FGL1: variants seen among roughly 807,000 people sequenced by gnomAD.
FGL1 encodes the protein fibrinogen-like protein 1.
A neutral mutation model predicts 43.7 loss-of-function variants in FGL1; 59 were observed. That is an observed-to-expected ratio of 1.35 (90% CI 1.10 to 1.68). FGL1 has a LOEUF of 1.68. Among genes scored for constraint, FGL1 ranks in the 40% most tolerant of loss-of-function variants. FGL1 has a pLI of 0.00. For missense variants in FGL1, 596 were observed against 373.0 expected (o/e 1.60, Z -4.92); for synonymous variants, 192 against 126.5 (o/e 1.52, Z -3.48).
intron 7 of FGL1, among the ~76,000 whole-genome samples, chr8:17,866,825 T>A (rs2053276526): frequency 6.6e-6 from 1 of 152,244 alleles, no homozygotes; most frequent in Admixed American, 6.5e-5. Context: ...TTGGTGATGC[T>A]TGCAGATGAC....
In FGL1 at chr8:17,882,028, A is replaced by T. The variant is rs766800219; in HGVS notation, c.215T>A (p.Ile72Asn). The change falls in exon 3 of 8, where the codon ATT becomes AAT. Residue 72 changes from isoleucine to asparagine, a missense_variant. By Grantham distance (149) the Ile-to-Asn change is moderately radical. Coordinates refer to ENST00000427924, the MANE Select transcript of FGL1 (RefSeq NM_004467.4). ...ATACTGCCTCTTGCTTCCAAGATCAATGACAGTATTCTCATCTCCTTTATC... is the reference window on the plus strand; with the variant it reads ...ATACTGCCTCTTGCTTCCAAGATCATTGACAGTATTCTCATCTCCTTTATC... ...FLDKGDENTV[I>N]DLGSKRQYAD... 2 of 1,613,834 alleles carry T rather than the reference A, an allele frequency of 1.2e-6. No homozygotes were observed. The highest frequency in any genetic ancestry group is 1.7e-6 in the Non-Finnish European group (2 of 1,179,950).
chr8:17,873,050 G>A (rs2053388950), intron 5 of FGL1, among the ~76,000 whole-genome samples: 1 of 152,130 alleles, frequency 6.6e-6, no homozygotes, highest in African/African-American at 2.4e-5. Context: ...TTAAAGATGA[G>A]ATGTATGTGG....
At chr8:17,868,407 G>A (rs1163166640) in intron 7 of FGL1, 141 bp downstream of exon 7, 1 of 598,606 alleles carries the variant, frequency 1.7e-6, no homozygotes, top group Non-Finnish European at 2.5e-6. Context: ...CATTGCTGAA[G>A]AATTCTAATG....
intron 5 of FGL1, among the ~76,000 whole-genome samples, chr8:17,872,943 C>T (rs1054919795): frequency 3.9e-5 from 6 of 151,922 alleles, no homozygotes; most frequent in East Asian, 1.9e-4. Context: ...CGGATAGATA[C>T]GTAACAAAAA....
chr8:17,871,391 G>C (rs2053357504), intron 5 of FGL1, among the ~76,000 whole-genome samples: 1 of 151,710 alleles, frequency 6.6e-6, no homozygotes, highest in South Asian at 2.1e-4. Context: ...CTACTCAGGA[G>C]GCTGAGGCAT....
rs888129330 is a variant in FGL1, at chr8:17,890,292, C to A, written c.-17-4721G>T. Among the ~76,000 whole-genome samples, 20 of 152,212 alleles carry A rather than the reference C, an allele frequency of 1.3e-4. 1 individual carries two copies. Among genetic ancestry groups the A allele is most frequent in the Non-Finnish European group, 4.4e-5 (3 of 68,030 alleles). On this transcript the variant is annotated intron_variant, in intron 1 of 7. Transcript: ENST00000427924. ...AATGAGACAACATTCTATACTGAGC[C>A]TTTCCTGGGCAAACCGGGATATTTG...
In FGL1 at chr8:17,868,620, G is replaced by A. The variant is rs146098986; in HGVS notation, c.707C>T (p.Thr236Met). 22 of 1,613,926 alleles carry A rather than the reference G, an allele frequency of 1.4e-5. No individual in the cohort carries two copies. In the South Asian group the frequency reaches 1.5e-4, roughly 11 times the overall value. ...WASHQRMKFS[T>M]WDRDHDNYEG... ...ATAGTTGTCATGATCTCTGTCCCACGTGCTGAATTTCATTCTTTGGTGACT... is the reference window on the plus strand; with the variant it reads ...ATAGTTGTCATGATCTCTGTCCCACATGCTGAATTTCATTCTTTGGTGACT... Residue 236 changes from threonine (T) to methionine (M), a missense_variant, in exon 7 of 8, where the codon ACG becomes ATG. Thr to Met is a moderately conservative substitution (Grantham distance 81). Transcript: ENST00000427924.
chr8:17,893,557 T>G (rs187916891), intron 1 of FGL1, among the ~76,000 whole-genome samples: 1 of 149,138 alleles, frequency 6.7e-6, no homozygotes, highest in East Asian at 1.9e-4. Flanking sequence ...CTCACTACCA[T>G]TAAGATAATC....
chr8:17,881,072 G>C (rs1438282781), intron 3 of FGL1, among the ~76,000 whole-genome samples: 2 of 151,608 alleles, frequency 1.3e-5, no homozygotes, highest in African/African-American at 4.9e-5. Flanking sequence ...ATGCAACAAG[G>C]AAAGATACAC....
At position 17,864,611 on chromosome 8, in the gene FGL1, A is replaced by C; in HGVS notation, c.920T>G (p.Phe307Cys). The C allele has an allele frequency of 6.2e-7, 1 of 1,608,334 alleles. No individual in the cohort carries two copies. The highest frequency in any genetic ancestry group is 8.5e-7 in the Non-Finnish European group (1 of 1,178,766). The change falls in exon 8 of 8, where the codon TTT becomes TGT. Residue 307 changes from phenylalanine to cysteine, a missense_variant. Phe to Cys is a radical substitution (Grantham distance 205). Coordinates refer to ENST00000427924, the MANE Select transcript of FGL1 (RefSeq NM_004467.4). Reference protein sequence around the residue: ...SVVMKIRPNDFIPNVI With the variant: ...SVVMKIRPNDCIPNVI The stretch of plus-strand genomic sequence containing the variant: ...CAGCAATTAAATTACATTTGGAATA[A>C]AATCATTTGGCCTAATTTTCATAAC...
At chr8:17,884,775 T>C (rs1427358290) in intron 2 of FGL1, among the ~76,000 whole-genome samples, 2 of 152,192 alleles carry the variant, frequency 1.3e-5, no homozygotes, top group East Asian at 3.8e-4. Context: ...TTTAGTAAGC[T>C]TATTTAAAAC....
intron 1 of FGL1, among the ~76,000 whole-genome samples, chr8:17,888,224 A>G (rs1233157759): frequency 6.6e-6 from 1 of 152,186 alleles, no homozygotes; most frequent in African/African-American, 2.4e-5. Flanking sequence ...ATTTTTATAA[A>G]AGATAAAATG....
At chr8:17,864,887 A>G in intron 7 of FGL1, 136 bp from the exon 8 acceptor site, 1 of 666,924 alleles carries the variant, frequency 1.5e-6, no homozygotes, top group South Asian at 6.3e-5. Flanking sequence ...GTAAATATTT[A>G]CTAGTTTCCA....
intron 2 of FGL1, chr8:17,882,651 T>A (rs1451286783): frequency 2.0e-5 from 3 of 147,954 alleles, no homozygotes; most frequent in African/African-American, 7.4e-5. Flanking sequence ...ATAAATGAGG[T>A]TTTTGAATGG....
At chr8:17,882,649 G>C (rs2053554154) in intron 2 of FGL1, 1 of 130,990 alleles carries the variant, frequency 7.6e-6, no homozygotes, top group African/African-American at 3.5e-5. Context: ...TAATAAATGA[G>C]GTTTTTGAAT....
intron 1 of FGL1, among the ~76,000 whole-genome samples, chr8:17,893,554 C>A (rs929375297): frequency 3.4e-5 from 5 of 148,842 alleles, no homozygotes; most frequent in Non-Finnish European, 5.9e-5. Flanking sequence ...TATCTCACTA[C>A]CATTAAGATA....
At chr8:17,885,942 T>C (rs1358114831) in intron 1 of FGL1, among the ~76,000 whole-genome samples, 14 of 152,222 alleles carry the variant, frequency 9.2e-5, no homozygotes, top group Admixed American at 9.2e-4. Context: ...GGAGCTTGTG[T>C]CTTTTTCTCC....
chr8:17,868,455 G>A (rs2053303800), intron 7 of FGL1, 93 bp downstream of exon 7: 6 of 921,428 alleles, frequency 6.5e-6, no homozygotes, highest in Non-Finnish European at 9.1e-6. Context: ...TATAAATAAA[G>A]ACTAACATTA....
At chr8:17,876,966 CACA>C (rs1749253480) in intron 3 of FGL1, among the ~76,000 whole-genome samples, 2 of 152,002 alleles carry the variant, frequency 1.3e-5, no homozygotes, top group Admixed American at 1.3e-4. Context: ...TAAACAGTAA[CACA>C]ACAACAAAAC....
Sources: gnomAD v4.1 joint callset for allele counts (sites outside exome capture counted in the v4.1 genomes callset) on GRCh38, gnomAD v4.1.1 for gene constraint, MANE v1.5 for transcripts, NCBI Gene and HGNC (gene_info 2026-07-23, HGNC 2026-07-21) for gene names.